Variants in RERE observed in about 807,000 individuals in gnomAD.
The protein encoded by RERE is arginine-glutamic acid dipeptide repeats, also known as arginine-glutamic acid dipeptide repeats protein.
Under a neutral mutation model 146.1 loss-of-function variants are expected in RERE, and 40 were observed. The observed-to-expected ratio is 0.27, with a 90% CI of 0.21 to 0.36. The LOEUF (loss-of-function observed/expected upper bound fraction) is 0.36. Among genes scored for constraint, RERE ranks in the 10% least tolerant of loss-of-function variants. The pLI is 1.00. For synonymous variants in RERE, 1,003 were observed against 866.0 expected (o/e 1.16, Z -2.78); for missense variants, 1,933 against 2,138.7 (o/e 0.90, Z 1.90).
intron 12 of RERE, among the ~76,000 whole-genome samples, chr1:8,367,625 T>G (rs1178728954): frequency 1.3e-5 from 2 of 152,244 alleles, no homozygotes; most frequent in Non-Finnish European, 2.9e-5. Flanking sequence ...CTCATGTCCC[T>G]ACACGTATGT....
chr1:8,761,089 C>T lies in RERE; in HGVS notation c.-145+56071G>A, dbSNP rs1404909747. Among the ~76,000 whole-genome samples the T allele has an allele frequency of 2.0e-5, 3 of 152,190 alleles. No individual in the cohort carries two copies. The East Asian group carries it at 5.8e-4, about 29-fold the overall frequency. Reference sequence around the variant, plus strand: ...ATCCTTCTGTTCTCAAGCTCAGACTCGGAACCATTATGCTTTACCGTCTTA... The same window carrying T: ...ATCCTTCTGTTCTCAAGCTCAGACTTGGAACCATTATGCTTTACCGTCTTA... On this transcript the variant is annotated intron_variant, in intron 1 of 22. Transcript: ENST00000400908.
chr1:8,395,250 T>A (rs1018051916), intron 12 of RERE, among the ~76,000 whole-genome samples: 1 of 151,586 alleles, frequency 6.6e-6, no homozygotes, highest in East Asian at 1.9e-4. Context: ...CCGAGGCGGG[T>A]GGATCACAAG....
At chr1:8,794,024 T>C (rs1209262591) in intron 1 of RERE, among the ~76,000 whole-genome samples, 1 of 150,446 alleles carries the variant, frequency 6.6e-6, no homozygotes, top group Non-Finnish European at 1.5e-5. Flanking sequence ...GCCAAGATCG[T>C]ACCACTGCAC....
intron 7 of RERE, among the ~76,000 whole-genome samples, chr1:8,524,220 A>G (rs1311290134): frequency 6.6e-6 from 1 of 152,228 alleles, no homozygotes; most frequent in African/African-American, 2.4e-5. Flanking sequence ...CACAATGGGA[A>G]GAAAGCCCTC....
intron 10 of RERE, among the ~76,000 whole-genome samples, chr1:8,473,025 AAC>A (rs1644709004): frequency 1.3e-5 from 2 of 152,146 alleles, no homozygotes; most frequent in Non-Finnish European, 2.9e-5. Flanking sequence ...CTGATAACAA[AAC>A]ACTGATTTCT....
intron 1 of RERE, among the ~76,000 whole-genome samples, chr1:8,762,964 C>T (rs1640782876): frequency 6.6e-6 from 1 of 152,078 alleles, no homozygotes; most frequent in Admixed American, 6.6e-5. Flanking sequence ...AAAATTATCA[C>T]AGTCCCTCAA....
intron 11 of RERE, chr1:8,429,747 T>G (rs1644068234): frequency 6.5e-6 from 1 of 152,692 alleles, no homozygotes; most frequent in South Asian, 2.1e-4. Context: ...ATTAAAATGA[T>G]TCCCACTGTG....
intron 4 of RERE, among the ~76,000 whole-genome samples, chr1:8,611,036 T>TA (rs1646786942): frequency 6.6e-6 from 1 of 151,452 alleles, no homozygotes; most frequent in African/African-American, 2.4e-5. Flanking sequence ...CTACTAAAAA[T>TA]ACAAAAAAAA....
chr1:8,553,656 A>G (rs564180533), intron 6 of RERE, among the ~76,000 whole-genome samples: 66 of 152,284 alleles, frequency 4.3e-4, no homozygotes, highest in South Asian at 2.3e-3. Flanking sequence ...TTTAAAGAAA[A>G]CACCACAGGA....
At chr1:8,708,928 TTTGAGACAGAGTC>T (rs1295533918) in intron 1 of RERE, among the ~76,000 whole-genome samples, 4 of 143,916 alleles carry the variant, frequency 2.8e-5, no homozygotes, top group Non-Finnish European at 6.1e-5. Flanking sequence ...TTTTTTTTTT[TTTGAGACAGAGTC>T]TCACTCTGTC....
At chr1:8,731,964 G>A (rs182188773) in intron 1 of RERE, among the ~76,000 whole-genome samples, 245 of 152,102 alleles carry the variant, frequency 1.6e-3, no homozygotes, top group African/African-American at 5.2e-3. Flanking sequence ...TGCCACGCCC[G>A]GCTAATTTTT....
At chr1:8,556,734 A>G (rs1557685402) in intron 5 of RERE, among the ~76,000 whole-genome samples, 163 bp from the exon 6 acceptor site, 1 of 152,242 alleles carries the variant, frequency 6.6e-6, no homozygotes, top group Non-Finnish European at 1.5e-5. Flanking sequence ...AATTGCAAGA[A>G]TAACAATAAC....
At chr1:8,440,205 T>C (rs568036046) in intron 11 of RERE, among the ~76,000 whole-genome samples, 9 of 152,304 alleles carry the variant, frequency 5.9e-5, no homozygotes, top group Admixed American at 1.3e-4. Context: ...TGGAAACTAT[T>C]TGTAGTATGT....
intron 1 of RERE, among the ~76,000 whole-genome samples, chr1:8,807,273 C>G (rs1641709843): frequency 1.3e-5 from 2 of 152,104 alleles, no homozygotes; most frequent in African/African-American, 4.8e-5. Context: ...AGGCTGGTCT[C>G]AAACTCCTGG....
At chr1:8,658,081 A>AT (rs1301629775) in intron 1 of RERE, among the ~76,000 whole-genome samples, 2 of 152,206 alleles carry the variant, frequency 1.3e-5, no homozygotes, top group Admixed American at 1.3e-4. Flanking sequence ...TCTTACAGAT[A>AT]TTTTATAGCA....
In RERE at chr1:8,711,314, A is replaced by G. The variant is rs114865645; in HGVS notation, c.-144-54873T>C. On this transcript the variant is annotated intron_variant, in intron 1 of 22. Coordinates refer to ENST00000400908, the MANE Select transcript of RERE (RefSeq NM_001042681.2). The stretch of plus-strand genomic sequence containing the variant: ...ACTAGGCTCCCGGGGGCATCACAGC[A>G]AACTGTTATGACATTAGTCATCAAT... Among the ~76,000 whole-genome samples the G allele has an allele frequency of 8.3e-3, 1,266 of 152,306 alleles. 9 individuals are homozygous for G. Among genetic ancestry groups the G allele is most frequent in the Non-Finnish European group, 0.014 (966 of 68,014 alleles).
At chr1:8,502,683 G>A (rs1275514642) in intron 8 of RERE, among the ~76,000 whole-genome samples, 4 of 150,736 alleles carry the variant, frequency 2.7e-5, no homozygotes, top group Non-Finnish European at 5.9e-5. Flanking sequence ...AAATCGGATG[G>A]TTGCCGGGTC....
At chr1:8,458,634 G>C (rs537618089) in intron 11 of RERE, among the ~76,000 whole-genome samples, 6 of 152,238 alleles carry the variant, frequency 3.9e-5, no homozygotes, top group African/African-American at 1.4e-4. Context: ...AGGTATGCTG[G>C]CTTTTATTTT....
At chr1:8,401,944 C>T (rs1045273218) in intron 12 of RERE, among the ~76,000 whole-genome samples, 2 of 152,070 alleles carry the variant, frequency 1.3e-5, no homozygotes, top group African/African-American at 4.8e-5. Flanking sequence ...CGGCTCACTG[C>T]AACCTCCACC....
Sources: allele counts gnomAD v4.1 joint callset (sites outside exome capture counted in the v4.1 genomes callset), GRCh38; gene constraint gnomAD v4.1.1; transcripts MANE v1.5; gene names NCBI Gene and HGNC (gene_info 2026-07-23, HGNC 2026-07-21).